Variants in IGFN1 observed in about 807,000 individuals in gnomAD.
The protein encoded by IGFN1 is immunoglobulin like and fibronectin type III domain containing 1.
Under a neutral mutation model 289.5 loss-of-function variants are expected in IGFN1, and 253 were observed. That is an observed-to-expected ratio of 0.87 (90% CI 0.79 to 0.97). The LOEUF is 0.97. IGFN1 is among the 50% of genes least tolerant of loss of function. The pLI is 0.00. For missense variants in IGFN1, 4,470 were observed against 4,686.1 expected, an observed-to-expected ratio of 0.95 and a Z score of 1.35; for synonymous variants, 1,706 against 1,788.5, an observed-to-expected ratio of 0.95 and a Z score of 1.16.
At position 201,193,267 on chromosome 1, in the gene IGFN1, CAG is replaced by C. The variant is rs762771611; in HGVS notation, c.-24_-23del. ...CTCAGGGTAATAGAACTTCTACCCT[CAG>C]AGGAGTCAAAGAGGAGGCAGAACTA... On this transcript the variant is annotated 5_prime_UTR_variant, in exon 2 of 24. Transcript: ENST00000335211. 2 of 1,521,914 alleles carry C rather than the reference CAG, an allele frequency of 1.3e-6. No homozygotes were observed. Among genetic ancestry groups the C allele is most frequent in the African/African-American group, 2.8e-5 (2 of 72,596 alleles). 94.3% of individuals were successfully genotyped at this position (1,521,914 alleles called of 1,614,324 possible).
chr1:201,206,667 G>GC lies in IGFN1; in HGVS notation c.1778dup (p.Glu594ArgfsTer23). ...CAGTGGAAGACAACTGGACAGGCAT[G>GC]CCCCAGAGCAACTGTGGGATGCTCG... On this transcript the variant is annotated frameshift_variant, in exon 12 of 24. Coordinates refer to ENST00000335211, the MANE Select transcript of IGFN1 (RefSeq NM_001164586.2). LOFTEE classifies it high-confidence loss of function. The GC allele has an allele frequency of 6.5e-7, 1 of 1,537,308 alleles. No homozygotes were observed. Among genetic ancestry groups the GC allele is most frequent in the Non-Finnish European group, 8.7e-7 (1 of 1,146,876 alleles).
intron 18 of IGFN1, among the ~76,000 whole-genome samples, chr1:201,220,695 TC>T (rs1653671469): frequency 6.6e-6 from 1 of 152,184 alleles, no homozygotes; most frequent in African/African-American, 2.4e-5. Context: ...TTTACAAAAA[TC>T]CCCAGGTAAC....
rs748351879 is a variant in IGFN1, at chr1:201,205,365, C to T, written c.1189+11C>T. On this transcript the variant is annotated intron_variant, in intron 11 of 23. Coordinates refer to ENST00000335211, the MANE Select transcript of IGFN1 (RefSeq NM_001164586.2). Reference sequence around the variant, plus strand: ...GGCTGGTGGTTGAAGGTGAGTGCTTCAAAACTCTGTCTTTCTCTGCCTCCA... The same window carrying T: ...GGCTGGTGGTTGAAGGTGAGTGCTTTAAAACTCTGTCTTTCTCTGCCTCCA... 3.7e-5 allele frequency: 56 copies of T among 1,518,460 alleles called. No homozygotes were observed. Among genetic ancestry groups the T allele is most frequent in the Middle Eastern group, 3.4e-4 (2 of 5,824 alleles). 94.1% of individuals were successfully genotyped at this position (1,518,460 alleles called of 1,614,324 possible).
intron 11 of IGFN1, among the ~76,000 whole-genome samples, chr1:201,205,606 C>G (rs936417065): frequency 3.9e-5 from 6 of 152,172 alleles, no homozygotes; most frequent in Non-Finnish European, 8.8e-5. Context: ...AGCCTTGGGA[C>G]AGTGGCCCAG....
chr1:201,213,792 C>T (rs1258235454), intron 12 of IGFN1, among the ~76,000 whole-genome samples, 171 bp downstream of exon 12: 2 of 152,166 alleles, frequency 1.3e-5, no homozygotes, highest in Non-Finnish European at 2.9e-5. Flanking sequence ...CAACCTCTTC[C>T]TCTTTACGCA....
Position 201,209,067 on chromosome 1 carries a change from T to G in IGFN1, c.4174T>G (p.Tyr1392Asp). The G allele has an allele frequency of 2.0e-6, 3 of 1,534,854 alleles. No individual in the cohort carries two copies. Among genetic ancestry groups the G allele is most frequent in the Non-Finnish European group, 1.7e-6 (2 of 1,146,164 alleles). The change falls in exon 12 of 24, where the codon TAC becomes GAC. Residue 1392 changes from tyrosine (Y) to aspartate (D), a missense_variant. Around this residue, in one of 8 missense-constraint regions of IGFN1, gnomAD observed 2,011 missense variants for 1,953.4 expected, o/e 1.03. Transcript: ENST00000335211. ...GGTTCCTGAGGGAATGGGTGCAGGT[T>G]ACAGGGCTGGTTTAAGGGGTCCTGG... ...LGVPEGMGAG[Y>D]RAGLRGPGEM...
chr1:201,206,559 G>A lies in IGFN1; in HGVS notation c.1666G>A (p.Ala556Thr). 5 of 1,550,620 alleles carry A rather than the reference G, an allele frequency of 3.2e-6. No individual in the cohort carries two copies. Among genetic ancestry groups the A allele is most frequent in the Non-Finnish European group, 4.4e-6 (5 of 1,147,010 alleles). The change falls in exon 12 of 24, where the codon GCA becomes ACA. Residue 556 changes from alanine to threonine, a missense_variant. By Grantham distance (58) the Ala-to-Thr change is moderately conservative. This residue lies in a region of IGFN1 where 2,011 missense variants were observed against 1,953.4 expected (regional missense o/e 1.03). Transcript: ENST00000335211. ...DSNSDECWRK[A>T]GGWEAGSSRL... ...CAACAGTGATGAATGCTGGAGGAAA[G>A]CAGGAGGCTGGGAGGCTGGGTCCAG...
chr1:201,203,668 A>C, intron 9 of IGFN1, 70 bp from the exon 10 acceptor site: 2 of 1,439,870 alleles, frequency 1.4e-6, no homozygotes, highest in Non-Finnish European at 1.9e-6. Flanking sequence ...GGTTATAGCC[A>C]GAATGGGACT....
At chr1:201,214,366 AAGAGCGT>A in intron 13 of IGFN1, 65 bp downstream of exon 13, 1 of 1,501,212 alleles carries the variant, frequency 6.7e-7, no homozygotes, top group African/African-American at 1.4e-5. Context: ...AGAGAGGGGC[AAGAGCGT>A]AGAGGCTTTG....
intron 18 of IGFN1, 39 bp downstream of exon 18, chr1:201,218,697 G>T: frequency 6.3e-7 from 1 of 1,581,310 alleles, no homozygotes; most frequent in Non-Finnish European, 8.6e-7. Flanking sequence ...GTGGAGGTGA[G>T]CATGGGATAG....
rs748379390 is a variant in IGFN1 at position 201,224,865 on chromosome 1, A to AGGGTGGCAGGTG, written c.10478_10486+3dup. ...GGAGGTTGCCCACAGCTTCCGTATC[A>AGGGTGGCAGGTG]GGGTGGCAGGTGAGGCAGGCCTTGC... is the stretch of plus-strand genomic sequence containing the variant. On this transcript the variant is annotated inframe_insertion, in exon 21 of 24. Coordinates refer to ENST00000335211, the MANE Select transcript of IGFN1 (RefSeq NM_001164586.2). 6.2e-7 allele frequency: 1 copy of AGGGTGGCAGGTG among 1,612,662 alleles called. No individual in the cohort carries two copies. Among genetic ancestry groups the AGGGTGGCAGGTG allele is most frequent in the South Asian group, 1.1e-5 (1 of 90,736 alleles).
intron 6 of IGFN1, 22 bp from the exon 7 acceptor site, chr1:201,199,587 C>G (rs1215041108): frequency 6.5e-7 from 1 of 1,549,424 alleles, no homozygotes; most frequent in Non-Finnish European, 8.7e-7. Context: ...GGACTGAGGC[C>G]TCATTCCTGC....
Position 201,218,555 on chromosome 1 carries a change from G to A in IGFN1, c.9795G>A (p.Val3265=). The part of the protein sequence containing the change: ...VPERRWTVAD[V]RQGCQYEFRV... ...AGAGGAGGTGGACGGTGGCGGACGT[G>A]CGGCAGGGCTGTCAGTATGAGTTCC... Residue 3265 remains valine, a synonymous_variant, in exon 18 of 24, where the codon GTG becomes GTA. Transcript: ENST00000335211. 6.2e-7 allele frequency: 1 copy of A among 1,613,516 alleles called. No individual in the cohort carries two copies. Among genetic ancestry groups the A allele is most frequent in the Non-Finnish European group, 8.5e-7 (1 of 1,179,932 alleles).
In IGFN1 at chr1:201,208,147, C is replaced by G; in HGVS notation, c.3254C>G (p.Ser1085Cys). The G allele has an allele frequency of 6.5e-7, 1 of 1,536,950 alleles. No homozygotes were observed. Among genetic ancestry groups the G allele is most frequent in the Non-Finnish European group, 8.7e-7 (1 of 1,146,836 alleles). ...GGLGSPGVTGSAGRGGLKAPG... is the reference protein window; with the variant it reads ...GGLGSPGVTGCAGRGGLKAPG... ...CTAGGGAGTCCTGGGGTGACAGGGT[C>G]TGCGGGTAGAGGTGGTCTCAAGGCC... is the stretch of plus-strand genomic sequence containing the variant. Residue 1085 changes from serine (S) to cysteine (C), a missense_variant, in exon 12 of 24, where the codon TCT becomes TGT. By Grantham distance (112) the Ser-to-Cys change is moderately radical. This residue lies in a region of IGFN1 where 2,011 missense variants were observed against 1,953.4 expected (regional missense o/e 1.03). Coordinates refer to ENST00000335211, the MANE Select transcript of IGFN1 (RefSeq NM_001164586.2).
intron 18 of IGFN1, among the ~76,000 whole-genome samples, chr1:201,221,152 A>G (rs1446398624): frequency 6.6e-6 from 1 of 152,208 alleles, no homozygotes; most frequent in Non-Finnish European, 1.5e-5. Context: ...GTTTTCAGGA[A>G]TTACAGAAGG....
Position 201,224,798 on chromosome 1 carries a change from C to T in IGFN1, c.10410C>T (p.Asp3470=). 1 of 1,614,198 alleles carries T rather than the reference C, an allele frequency of 6.2e-7. No homozygotes were observed. The change falls in exon 21 of 24, where the codon GAC becomes GAT. Residue 3470 remains aspartate (D), a synonymous_variant. Transcript: ENST00000335211. ...QLLIPVAGLS[D]SGLYTVVLRT... Reference sequence around the variant, plus strand: ...TGATCCCTGTGGCTGGACTCTCAGACAGTGGTCTCTACACTGTGGTGCTGA... The same window carrying T: ...TGATCCCTGTGGCTGGACTCTCAGATAGTGGTCTCTACACTGTGGTGCTGA...
At position 201,221,577 on chromosome 1, in the gene IGFN1, C is replaced by T; in HGVS notation, c.10032C>T (p.Asp3344=). 1 of 1,614,188 alleles carries T rather than the reference C, an allele frequency of 6.2e-7. No individual in the cohort carries two copies. Among genetic ancestry groups the T allele is most frequent in the Non-Finnish European group, 8.5e-7 (1 of 1,180,012 alleles). Residue 3344 remains aspartate, a synonymous_variant, in exon 19 of 24, where the codon GAC becomes GAT. Coordinates refer to ENST00000335211, the MANE Select transcript of IGFN1 (RefSeq NM_001164586.2). ...ATGTGGTGGAGCTGTGCAGCTCAGA[C>T]AGTCTCCAGTGGCTCCCGTGCCATG... ...QGYVVELCSS[D]SLQWLPCHVG... is the part of the protein sequence containing the mutation.
Position 201,212,811 on chromosome 1 carries a change from G to C in IGFN1, c.7918G>C (p.Asp2640His). The change falls in exon 12 of 24, where the codon GAT (aspartate) becomes CAT (histidine). Residue 2640 changes from aspartate (D) to histidine (H), a missense_variant. Around this residue, in one of 8 missense-constraint regions of IGFN1, gnomAD observed 2,218 missense variants for 2,114.1 expected, o/e 1.05. Transcript: ENST00000335211. ...ENQGFSQGSI[D>H]AGKQPAGSRA... ...CCAGGGGTTTAGCCAAGGCAGCATA[G>C]ATGCTGGGAAGCAGCCCGCAGGCTC... The C allele has an allele frequency of 6.4e-7, 1 of 1,551,458 alleles. No homozygotes were observed. Among genetic ancestry groups the C allele is most frequent in the Non-Finnish European group, 8.7e-7 (1 of 1,146,918 alleles).
Position 201,218,806 on chromosome 1 carries a change from G to T in IGFN1, c.9898+148G>T, listed in dbSNP as rs1204889163. On this transcript the variant is annotated intron_variant, in intron 18 of 23. Transcript: ENST00000335211. ...AGGGCTGGGATATAAAAATCAAAAG[G>T]CCTCTCGGGTGAGCCACATCTTAGG... The T allele has an allele frequency of 1.1e-5, 9 of 796,140 alleles. No homozygotes were observed. The East Asian group carries it at 2.2e-4, about 20-fold the overall frequency. 49.3% of individuals were successfully genotyped at this position (796,140 alleles called of 1,614,324 possible). A position where few individuals can be genotyped will look rare whatever the true frequency, so the allele number is the denominator to read the frequency against.
Sources: allele counts gnomAD v4.1 joint callset (sites outside exome capture counted in the v4.1 genomes callset), GRCh38; gene constraint gnomAD v4.1.1; regional missense constraint gnomAD v4.1.1; transcripts MANE v1.5; gene names NCBI Gene and HGNC (gene_info 2026-07-23, HGNC 2026-07-21).